The following RBFOX1 variants were observed in gnomAD, a reference collection of about 807,000 sequenced individuals.
RBFOX1 encodes RNA binding fox-1 homolog 1.
RBFOX1 carries 8 observed loss-of-function variants against 57.7 expected under a neutral mutation model. The ratio of observed to expected loss-of-function variants is 0.14; its 90% CI spans 0.08 to 0.25. The LOEUF is 0.25. Ranked by LOEUF, RBFOX1 falls within the 10% of genes least tolerant of loss-of-function variation. The pLI, the probability that RBFOX1 is intolerant of heterozygous loss-of-function variation, is 1.00. For synonymous variants in RBFOX1, 326 were observed against 222.4 expected, an observed-to-expected ratio of 1.47 and a Z score of -4.15; for missense variants, 611 against 548.5, an observed-to-expected ratio of 1.11 and a Z score of -1.14.
intron 1 of RBFOX1, among the ~76,000 whole-genome samples, chr16:6,150,646 C>T (rs1477768069): frequency 6.6e-6 from 1 of 152,178 alleles, no homozygotes; most frequent in East Asian, 1.9e-4. Context: ...GCATGACACA[C>T]TTACGGAAAT....
At chr16:6,075,460 C>T (rs1255305067) in intron 1 of RBFOX1, among the ~76,000 whole-genome samples, 2 of 152,206 alleles carry the variant, frequency 1.3e-5, no homozygotes, top group African/African-American at 4.8e-5. Context: ...CATTCTTATA[C>T]ACCATCAGAA....
chr16:5,346,663 T>G (rs1490565089), intron 1 of RBFOX1, among the ~76,000 whole-genome samples: 4 of 152,182 alleles, frequency 2.6e-5, no homozygotes, highest in Non-Finnish European at 4.4e-5. Flanking sequence ...GAGTGGAGTG[T>G]GCTGTGGGAG....
intron 14 of RBFOX1, among the ~76,000 whole-genome samples, chr16:7,686,906 G>C (rs2076183335): frequency 6.6e-6 from 1 of 152,062 alleles, no homozygotes; most frequent in Non-Finnish European, 1.5e-5. Context: ...ATGAACTTGG[G>C]TTTGAATTTC....
At chr16:6,612,863 A>AATAAT (rs1555612744) in intron 2 of RBFOX1, among the ~76,000 whole-genome samples, 11,888 of 132,114 alleles carry the variant, frequency 0.09, 693 homozygotes, top group African/African-American at 0.16. Context: ...AAAAAAAAAA[A>AATAAT]AATAATAATA....
chr16:6,628,979 G>A (rs746941861), intron 2 of RBFOX1, among the ~76,000 whole-genome samples: 2 of 152,122 alleles, frequency 1.3e-5, no homozygotes, highest in African/African-American at 4.8e-5. Context: ...ACAGTGAGCC[G>A]AGATTGCACC....
At chr16:6,351,366 A>ATTT (rs1158685144) in intron 2 of RBFOX1, among the ~76,000 whole-genome samples, 13 of 99,036 alleles carry the variant, frequency 1.3e-4, no homozygotes, top group African/African-American at 5.8e-4. Flanking sequence ...ATATATATAT[A>ATTT]TATATATTTT....
At position 6,796,062 on chromosome 16, in the gene RBFOX1, A is replaced by T. The variant is rs527453849; in HGVS notation, c.-16+141412A>T. Among the ~76,000 whole-genome samples the T allele has an allele frequency of 3.3e-5, 5 of 152,274 alleles. No individual in the cohort carries two copies. The South Asian group carries it at 1.0e-3, about 32-fold the overall frequency. ...ACATACCTGAGATTGGGCAATTTACAAAAGAAAGAGGTTTATTAGGCTTAC... is the reference window on the plus strand; with the variant it reads ...ACATACCTGAGATTGGGCAATTTACTAAAGAAAGAGGTTTATTAGGCTTAC... On this transcript the variant is annotated intron_variant, in intron 3 of 15. Coordinates refer to ENST00000550418, the MANE Select transcript of RBFOX1 (RefSeq NM_018723.4).
At chr16:5,778,720 G>A (rs2054229694) in intron 3 of RBFOX1, among the ~76,000 whole-genome samples, 1 of 152,154 alleles carries the variant, frequency 6.6e-6, no homozygotes, top group Non-Finnish European at 1.5e-5. Context: ...TCTTCACTAT[G>A]AGGGTGAATA....
At chr16:6,536,905 A>T (rs1408380235) in intron 2 of RBFOX1, among the ~76,000 whole-genome samples, 2 of 152,206 alleles carry the variant, frequency 1.3e-5, no homozygotes, top group East Asian at 3.9e-4. Context: ...AGAGGATATG[A>T]CATATCTAAA....
At chr16:7,461,970 G>A (rs1358429369) in intron 4 of RBFOX1, among the ~76,000 whole-genome samples, 1 of 152,168 alleles carries the variant, frequency 6.6e-6, no homozygotes, top group Non-Finnish European at 1.5e-5. Flanking sequence ...TGAGGTGAAC[G>A]GATGTCAAGG....
intron 2 of RBFOX1, among the ~76,000 whole-genome samples, chr16:5,493,587 A>G (rs1430052027): frequency 6.6e-6 from 1 of 151,562 alleles, no homozygotes; most frequent in Non-Finnish European, 1.5e-5. Context: ...AATATTTTCC[A>G]TACACACCTA....
intron 4 of RBFOX1, among the ~76,000 whole-genome samples, chr16:7,464,343 G>C (rs533900945): frequency 6.6e-6 from 1 of 152,172 alleles, no homozygotes; most frequent in South Asian, 2.1e-4. Flanking sequence ...GCAGGTGAAC[G>C]CTGACTCTTT....
chr16:6,847,808 G>GA (rs913563100), intron 3 of RBFOX1, among the ~76,000 whole-genome samples: 1 of 151,972 alleles, frequency 6.6e-6, no homozygotes, highest in Non-Finnish European at 1.5e-5. Context: ...ATTTTACTAT[G>GA]AAAAAAATTA....
At chr16:5,543,543 A>T (rs930691886) in intron 2 of RBFOX1, among the ~76,000 whole-genome samples, 2 of 152,222 alleles carry the variant, frequency 1.3e-5, no homozygotes, top group Admixed American at 1.3e-4. Context: ...TAATCTCTGG[A>T]ACAAGTTCAA....
At chr16:6,064,198 G>T (rs1034455211) in intron 1 of RBFOX1, among the ~76,000 whole-genome samples, 3 of 152,068 alleles carry the variant, frequency 2.0e-5, no homozygotes, top group Non-Finnish European at 4.4e-5. Context: ...TTATGAAAGG[G>T]GTTGAAAGAG....
At chr16:6,390,554 G>GA (rs59929765) in intron 2 of RBFOX1, among the ~76,000 whole-genome samples, 19,167 of 145,656 alleles carry the variant, frequency 0.13, 1,607 homozygotes, top group African/African-American at 0.24. Context: ...GAGGGAGTGA[G>GA]AAAAAAAAAA....
At chr16:7,353,270 T>C (rs1325762848) in intron 4 of RBFOX1, among the ~76,000 whole-genome samples, 1 of 152,316 alleles carries the variant, frequency 6.6e-6, no homozygotes, top group Admixed American at 6.5e-5. Context: ...AATGCATTGA[T>C]GACCCTAGCT....
At chr16:7,075,237 A>G (rs1404985654) in intron 4 of RBFOX1, among the ~76,000 whole-genome samples, 1 of 152,150 alleles carries the variant, frequency 6.6e-6, no homozygotes, top group Non-Finnish European at 1.5e-5. Flanking sequence ...CCAACAGTAA[A>G]AGTGCTTCAT....
intron 1 of RBFOX1, among the ~76,000 whole-genome samples, chr16:5,354,339 G>A (rs1488662408): frequency 1.3e-5 from 2 of 152,100 alleles, no homozygotes; most frequent in East Asian, 1.9e-4. Context: ...TTGTCGATCT[G>A]TAGTCTGACC....
Sources: allele counts gnomAD v4.1 joint callset (sites outside exome capture counted in the v4.1 genomes callset), GRCh38; gene constraint gnomAD v4.1.1; transcripts MANE v1.5; gene names NCBI Gene and HGNC (gene_info 2026-07-23, HGNC 2026-07-21).